Variants in IDUA observed in about 807,000 individuals in gnomAD.
IDUA encodes the protein alpha-L-iduronidase, also known as iduronidase alpha-L-.
In IDUA, 65 loss-of-function variants were observed where a neutral mutation model predicts 68.9. The observed-to-expected ratio is 0.94, with a 90% CI of 0.77 to 1.16. IDUA has a LOEUF of 1.16. Ranked by LOEUF, IDUA falls within the 50% of genes most tolerant of loss-of-function variation. The pLI is 0.00. For synonymous variants in IDUA, 529 were observed against 433.6 expected (o/e 1.22, Z -2.73); for missense variants, 1,046 against 938.0 (o/e 1.12, Z -1.50).
chr4:991,082 G>A (rs2290401), intron 2 of IDUA: 1 of 1,503,042 alleles, frequency 6.7e-7, no homozygotes, highest in Non-Finnish European at 8.9e-7. Context: ...AAAACCTAAG[G>A]GGGGGTGCCC....
At chr4:999,222 A>G (rs1318555356) in intron 2 of IDUA, among the ~76,000 whole-genome samples, 1 of 151,956 alleles carries the variant, frequency 6.6e-6, no homozygotes, top group Non-Finnish European at 1.5e-5. Flanking sequence ...AAAAAAAGAA[A>G]AAAGAAAAAT....
At chr4:988,469 G>T in intron 2 of IDUA, 1 of 1,110,708 alleles carries the variant, frequency 9.0e-7, no homozygotes, top group Non-Finnish European at 1.1e-6. Flanking sequence ...GGCATAGGGA[G>T]TCCTCTTGGC....
rs767971432 is a variant in IDUA at position 1,004,235 on chromosome 4, G to A, written c.1829-25G>A. On this transcript the variant is annotated intron_variant, in intron 13 of 13. Transcript: ENST00000514224. The surrounding 1 kb of genome is among the most constrained non-coding windows in gnomAD (Gnocchi z 5.0). Reference sequence around the variant, plus strand: ...TTTCGGGTGGGGGCAGGTTCCGGTTGGCACACATGTCCCCTTGTCTCCAGA... The same window carrying A: ...TTTCGGGTGGGGGCAGGTTCCGGTTAGCACACATGTCCCCTTGTCTCCAGA... The A allele has an allele frequency of 1.9e-6, 3 of 1,609,468 alleles. No homozygotes were observed. Among genetic ancestry groups the A allele is most frequent in the South Asian group, 2.2e-5 (2 of 91,084 alleles).
In IDUA at chr4:1,002,388, G is replaced by A. The variant is rs758563085; in HGVS notation, c.1092G>A (p.Thr364=). The change falls in exon 8 of 14, where the codon ACG becomes ACA. Residue 364 remains threonine, a synonymous_variant. Transcript: ENST00000514224. The part of the protein sequence containing the change: ...SYHPHPFAQR[T]LTARFQVNNT... ...ACCCGCACCCCTTCGCGCAGCGCAC[G>A]CTCACCGCGCGCTTCCAGGTCAACA... 3 of 1,607,582 alleles carry A rather than the reference G, an allele frequency of 1.9e-6. No individual in the cohort carries two copies. The highest frequency in any genetic ancestry group is 2.5e-6 in the Non-Finnish European group (3 of 1,177,460).
Position 1,003,414 on chromosome 4 carries a change from C to T in IDUA, c.1594C>T (p.Leu532=). 6.5e-7 allele frequency: 1 copy of T among 1,527,892 alleles called. No individual in the cohort carries two copies. Among genetic ancestry groups the T allele is most frequent in the Non-Finnish European group, 8.7e-7 (1 of 1,144,126 alleles). The allele number at this position is 1,527,892 out of a possible 1,614,324, so 94.6% of individuals were successfully genotyped here. Residue 532 remains leucine (L), a synonymous_variant, in exon 11 of 14, where the codon CTG becomes TTG. Transcript: ENST00000514224. Reference sequence around the variant, plus strand: ...CCTGACCCTGCGCCCCGCGCTGCGGCTGCCGTCGCTTTTGCTGGTGCACGT... The same window carrying T: ...CCTGACCCTGCGCCCCGCGCTGCGGTTGCCGTCGCTTTTGCTGGTGCACGT... ...GRLTLRPALR[L]PSLLLVHVCA...
intron 2 of IDUA, among the ~76,000 whole-genome samples, chr4:994,632 T>C (rs1577528246): frequency 1.3e-5 from 2 of 151,900 alleles, no homozygotes; most frequent in East Asian, 3.9e-4. Context: ...AGAGACGGGG[T>C]TTCACCATGT....
Position 1,004,458 on chromosome 4 carries a change from C to A in IDUA, c.*65C>A. 6.7e-7 allele frequency: 1 copy of A among 1,498,462 alleles called. No homozygotes were observed. The highest frequency in any genetic ancestry group is 9.2e-7 in the Non-Finnish European group (1 of 1,086,544). 92.8% of individuals were successfully genotyped at this position (1,498,462 alleles called of 1,614,324 possible). On this transcript the variant is annotated 3_prime_UTR_variant, in exon 14 of 14. Transcript: ENST00000514224. This position sits in a 1 kb window ranked among gnomAD's most constrained non-coding sequence, Gnocchi z 5.0. ...GTCAGCGAGCTGGGGCTGCACTGTG[C>A]CCATGCTGCCCTCCCATCACCCCCT...
At chr4:1,001,107 C>T (rs903220558) in intron 4 of IDUA, 118 bp downstream of exon 4, 8 of 758,626 alleles carry the variant, frequency 1.1e-5, no homozygotes, top group Non-Finnish European at 1.8e-5. Context: ...AGGCGCAGGC[C>T]CTTGTGGGGG....
chr4:1,000,366 C>T lies in IDUA; in HGVS notation c.300-246C>T, dbSNP rs3755957. On this transcript the variant is annotated intron_variant, in intron 2 of 13. Transcript: ENST00000514224. ...CACTGAGCCTCAGAGCCATTCCGAACCCCCACCCCAAGTTTTCCATCTCTT... is the reference window on the plus strand; with the variant it reads ...CACTGAGCCTCAGAGCCATTCCGAATCCCCACCCCAAGTTTTCCATCTCTT... 0.25 allele frequency among the ~76,000 whole-genome samples: 37,991 copies of T among 152,204 alleles called. 5,000 individuals carry two copies. Among genetic ancestry groups the T allele is most frequent in the African/African-American group, 0.3 (12,598 of 41,502 alleles).
chr4:989,568 C>T (rs749648306), intron 2 of IDUA: 5 of 1,591,066 alleles, frequency 3.1e-6, no homozygotes, highest in Admixed American at 1.8e-5. Flanking sequence ...GGAGGTCCCA[C>T]ACCTTGCGCA....
intron 4 of IDUA, 145 bp downstream of exon 4, chr4:1,001,134 G>A: frequency 1.5e-6 from 1 of 678,260 alleles, no homozygotes; most frequent in Non-Finnish European, 2.6e-6. Flanking sequence ...GGTGACAAGG[G>A]ATAGGTTGGT....
At chr4:1,003,305 G>GC (rs1253771944) in intron 10 of IDUA, 40 bp from the exon 11 acceptor site, 3 of 1,405,626 alleles carry the variant, frequency 2.1e-6, no homozygotes, top group South Asian at 3.1e-5. Context: ...AGCGTCCCCA[G>GC]CTCCCCTGGA....
intron 3 of IDUA, 77 bp downstream of exon 3, chr4:1,000,774 T>G (rs1715024198): frequency 1.4e-6 from 2 of 1,457,162 alleles, no homozygotes; most frequent in Non-Finnish European, 1.9e-6. Flanking sequence ...CCAGCCCCTC[T>G]GAGTCCTTGG....
At chr4:991,841 CG>C (rs1263672528) in intron 2 of IDUA, 85 of 1,529,036 alleles carry the variant, frequency 5.6e-5, no homozygotes, top group Non-Finnish European at 7.3e-5. Context: ...CACCCAGGGC[CG>C]GGGATTGGTG....
chr4:989,299 T>C (rs1714023678), intron 2 of IDUA: 2 of 1,612,396 alleles, frequency 1.2e-6, no homozygotes, highest in East Asian at 4.5e-5. Flanking sequence ...GTTGGCATAG[T>C]ACAGCGGCCC....
Position 1,004,454 on chromosome 4 carries a change from T to C in IDUA, c.*61T>C, listed in dbSNP as rs1715323876. ...GGCAGTCAGCGAGCTGGGGCTGCAC[T>C]GTGCCCATGCTGCCCTCCCATCACC... On this transcript the variant is annotated 3_prime_UTR_variant, in exon 14 of 14. Transcript: ENST00000514224. This position sits in a 1 kb window ranked among gnomAD's most constrained non-coding sequence, Gnocchi z 5.0. The C allele has an allele frequency of 2.6e-6, 4 of 1,548,806 alleles. No individual in the cohort carries two copies. The highest frequency in any genetic ancestry group is 1.8e-6 in the Non-Finnish European group (2 of 1,130,566).
chr4:1,002,692 C>A, intron 8 of IDUA, 40 bp from the exon 9 acceptor site: 2 of 1,376,878 alleles, frequency 1.5e-6, no homozygotes, highest in South Asian at 2.6e-5. Flanking sequence ...GGCGGCTGGG[C>A]AACGACCCCA....
At chr4:990,677 C>A in intron 2 of IDUA, 1 of 448,420 alleles carries the variant, frequency 2.2e-6, no homozygotes, top group South Asian at 3.1e-5. Context: ...CAGAAGGCAA[C>A]CCCTTCCTGC....
At chr4:990,404 A>G in intron 2 of IDUA, 1 of 1,522,420 alleles carries the variant, frequency 6.6e-7, no homozygotes, top group Non-Finnish European at 8.9e-7. Flanking sequence ...GCCTGGCGGG[A>G]GCCACCTGCC....
Sources: gnomAD v4.1 joint callset for allele counts (sites outside exome capture counted in the v4.1 genomes callset) on GRCh38, gnomAD v4.1.1 for gene constraint, Gnocchi (gnomAD v3.1) non-coding constraint, MANE v1.5 for transcripts, NCBI Gene and HGNC (gene_info 2026-07-23, HGNC 2026-07-21) for gene names.